The following PRKG1 variants were observed in gnomAD, a reference collection of about 807,000 sequenced individuals.
The protein encoded by PRKG1 is cGMP-dependent protein kinase 1.
PRKG1 carries 35 observed loss-of-function variants against 88.1 expected under a neutral mutation model. That is an observed-to-expected ratio of 0.40 (90% confidence interval 0.30 to 0.53). The LOEUF is 0.53. PRKG1 is among the 20% of genes least tolerant of loss of function. PRKG1 has a pLI of 0.59. For synonymous variants in PRKG1, 303 were observed against 292.5 expected (o/e 1.04, Z -0.37); for missense variants, 540 against 839.8 (o/e 0.64, Z 4.41).
At chr10:51,948,961 C>T (rs1358313449) in intron 5 of PRKG1, among the ~76,000 whole-genome samples, 2 of 152,118 alleles carry the variant, frequency 1.3e-5, no homozygotes, top group Non-Finnish European at 2.9e-5. Context: ...GAATACCTCT[C>T]CCAATTATAT....
intron 3 of PRKG1, among the ~76,000 whole-genome samples, chr10:51,736,846 G>T (rs1469140149): frequency 6.6e-6 from 1 of 150,754 alleles, no homozygotes; most frequent in Non-Finnish European, 1.5e-5. Context: ...ATGTTGCTCA[G>T]GCTGGTCTTG....
chr10:52,014,359 T>C (rs11000463), intron 5 of PRKG1, among the ~76,000 whole-genome samples: 24,035 of 151,846 alleles, frequency 0.16, 2,409 homozygotes, highest in East Asian at 0.32. Flanking sequence ...GCCAAACACT[T>C]TGAAACCATC....
At chr10:51,565,312 AG>A (rs1320991603) in intron 3 of PRKG1, among the ~76,000 whole-genome samples, 1 of 152,084 alleles carries the variant, frequency 6.6e-6, no homozygotes, top group Non-Finnish European at 1.5e-5. Flanking sequence ...CACATTGCTG[AG>A]GGAGCTCTGA....
chr10:51,548,193 G>T (rs2132123220), intron 3 of PRKG1, among the ~76,000 whole-genome samples: 1 of 152,104 alleles, frequency 6.6e-6, no homozygotes, highest in Admixed American at 6.6e-5. Flanking sequence ...TTTCTCTATT[G>T]TCCCCCTGAT....
chr10:51,065,467 T>G (rs747581840), intron 1 of PRKG1, among the ~76,000 whole-genome samples: 1 of 152,048 alleles, frequency 6.6e-6, no homozygotes, highest in African/African-American at 2.4e-5. Flanking sequence ...CAGGCAAATA[T>G]GTTGTTCAAA....
chr10:52,030,546 G>A (rs1336020594), intron 5 of PRKG1, among the ~76,000 whole-genome samples: 1 of 152,156 alleles, frequency 6.6e-6, no homozygotes, highest in Non-Finnish European at 1.5e-5. Context: ...CTGGGATATG[G>A]CATATCAGGA....
chr10:51,678,562 G>C (rs572830202), intron 3 of PRKG1, among the ~76,000 whole-genome samples: 1 of 152,172 alleles, frequency 6.6e-6, no homozygotes, highest in East Asian at 1.9e-4. Context: ...ATAGAGCCTG[G>C]TGGTGTTTGG....
chr10:51,243,727 A>G (rs1839214656), intron 2 of PRKG1, among the ~76,000 whole-genome samples: 1 of 152,196 alleles, frequency 6.6e-6, no homozygotes, highest in South Asian at 2.1e-4. Flanking sequence ...GTGAACAAGG[A>G]CTATGGGCCT....
intron 2 of PRKG1, among the ~76,000 whole-genome samples, chr10:51,271,171 T>C (rs1446761370): frequency 6.6e-6 from 1 of 152,156 alleles, no homozygotes; most frequent in African/African-American, 2.4e-5. Flanking sequence ...GTCTGTGGTA[T>C]GAAGAGAAGC....
rs1342051329 is a variant in PRKG1, at chr10:52,171,791, T to A, written c.1076+9828T>A. ...AGTATTTTTCTTTTATCAAAATTTTTTTTTTTTTTTTTTTTTTTTTTTGAG... is the reference window on the plus strand; with the variant it reads ...AGTATTTTTCTTTTATCAAAATTTTATTTTTTTTTTTTTTTTTTTTTTGAG... On this transcript the variant is annotated intron_variant, in intron 9 of 17. Coordinates refer to ENST00000373980, the MANE Select transcript of PRKG1 (RefSeq NM_006258.4). 7.3e-3 allele frequency among the ~76,000 whole-genome samples: 298 copies of A among 40,744 alleles called. 2 individuals are homozygous for A. The highest frequency in any genetic ancestry group is 0.017 in the African/African-American group (243 of 14,432). 26.7% of individuals were successfully genotyped at this position (40,744 alleles called of 152,430 possible).
At chr10:51,510,537 A>T (rs1841363917) in intron 3 of PRKG1, among the ~76,000 whole-genome samples, 1 of 152,168 alleles carries the variant, frequency 6.6e-6, no homozygotes, top group South Asian at 2.1e-4. Context: ...TGACTTTCTA[A>T]ACAGGTCTAC....
In PRKG1 at chr10:51,298,259, C is replaced by G. The variant is rs540352228; in HGVS notation, c.478+144929C>G. On this transcript the variant is annotated intron_variant, in intron 2 of 17. Transcript: ENST00000373980. ...CCCACACAATCTAATTCAAGAGTTA[C>G]ATTGCCACTACTTCAAAAAATGTGG... is the stretch of plus-strand genomic sequence containing the variant. 3.9e-5 allele frequency among the ~76,000 whole-genome samples: 6 copies of G among 152,274 alleles called. No homozygotes were observed. In the East Asian group the frequency reaches 9.6e-4, roughly 24 times the overall value.
intron 2 of PRKG1, among the ~76,000 whole-genome samples, chr10:51,376,374 C>A (rs1205139400): frequency 2.0e-5 from 3 of 151,982 alleles, no homozygotes; most frequent in African/African-American, 7.2e-5. Context: ...TATATTGTTA[C>A]CAATAATTAT....
chr10:51,894,914 G>A (rs543547799), intron 4 of PRKG1, among the ~76,000 whole-genome samples: 2 of 152,134 alleles, frequency 1.3e-5, no homozygotes, highest in African/African-American at 2.4e-5. Flanking sequence ...TTAGAGATGA[G>A]AACACTGAGT....
intron 5 of PRKG1, among the ~76,000 whole-genome samples, chr10:52,014,377 A>G (rs1844979747): frequency 6.6e-6 from 1 of 152,110 alleles, no homozygotes; most frequent in South Asian, 2.1e-4. Context: ...ATCAGATCCC[A>G]TGAGAACTCA....
chr10:51,034,692 A>ATATATATATATATATATATATT (rs1843331909), intron 1 of PRKG1, among the ~76,000 whole-genome samples: 1 of 134,524 alleles, frequency 7.4e-6, no homozygotes, highest in Admixed American at 7.4e-5. Flanking sequence ...ATATATATAT[A>ATATATATATATATATATATATT]TATATATATA....
At chr10:52,244,835 AAT>A (rs1840976154) in intron 9 of PRKG1, among the ~76,000 whole-genome samples, 1 of 63,282 alleles carries the variant, frequency 1.6e-5, no homozygotes, top group Non-Finnish European at 3.8e-5. Context: ...AATATACTTT[AAT>A]ATATATTTAA....
intron 3 of PRKG1, among the ~76,000 whole-genome samples, chr10:51,775,876 G>A (rs181017051): frequency 1.4e-4 from 21 of 152,182 alleles, no homozygotes; most frequent in African/African-American, 4.3e-4. Context: ...GAGCCACTGC[G>A]CCAGCCTGAT....
At chr10:51,073,116 C>T (rs1158722020), upstream of PRKG1, among the ~76,000 whole-genome samples, 15 of 152,074 alleles carry the variant, frequency 9.9e-5, no homozygotes, top group Admixed American at 9.8e-4. Flanking sequence ...GATTTAGGTA[C>T]GTATTAGGCA....
Sources: allele counts gnomAD v4.1 joint callset (sites outside exome capture counted in the v4.1 genomes callset), GRCh38; gene constraint gnomAD v4.1.1; transcripts MANE v1.5; gene names NCBI Gene and HGNC (gene_info 2026-07-23, HGNC 2026-07-21).